RGL1: variants seen among roughly 807,000 people sequenced by gnomAD.
RGL1 encodes the protein ral guanine nucleotide dissociation stimulator-like 1.
In RGL1, 24 loss-of-function variants were observed where a neutral mutation model predicts 95.2. The observed-to-expected ratio is 0.25, with a 90% confidence interval of 0.18 to 0.35. The LOEUF is 0.35. RGL1 is among the 10% of genes least tolerant of loss of function. The pLI is 1.00. For missense variants in RGL1, 715 were observed against 936.3 expected (o/e 0.76, Z 3.08); for synonymous variants, 329 against 344.9 (o/e 0.95, Z 0.51).
chr1:183,752,181 A>G (rs1467378159), intron 2 of RGL1, among the ~76,000 whole-genome samples: 4 of 152,018 alleles, frequency 2.6e-5, no homozygotes, highest in Non-Finnish European at 5.9e-5. Context: ...AGTGCATAAG[A>G]GTTTCCCCTA....
At chr1:183,792,306 A>G (rs375133793) in intron 2 of RGL1, among the ~76,000 whole-genome samples, 1 of 152,080 alleles carries the variant, frequency 6.6e-6, no homozygotes, top group South Asian at 2.1e-4. Context: ...TGCCTCACTC[A>G]GCCTAGGTGA....
chr1:183,769,012 G>T (rs1659141242), intron 2 of RGL1, among the ~76,000 whole-genome samples: 1 of 152,136 alleles, frequency 6.6e-6, no homozygotes. Flanking sequence ...GACATCTAAT[G>T]AACATCAAAA....
chr1:183,669,945 A>G (rs972380496), intron 1 of RGL1, among the ~76,000 whole-genome samples: 19 of 152,204 alleles, frequency 1.2e-4, no homozygotes, highest in African/African-American at 4.1e-4. Flanking sequence ...AACCACCCCT[A>G]TGATTCAAGT....
At chr1:183,669,871 C>A (rs1028770644) in intron 1 of RGL1, among the ~76,000 whole-genome samples, 2 of 152,054 alleles carry the variant, frequency 1.3e-5, no homozygotes, top group Non-Finnish European at 2.9e-5. Context: ...GGGAAAAACC[C>A]CTTATAAAAT....
rs12066581 is a variant in RGL1, at chr1:183,677,723, G to A, written c.-33+41222G>A. On this transcript the variant is annotated intron_variant, in intron 1 of 18. Coordinates refer to the RGL1 transcript ENST00000304685. ...AACTGCACAGTATCCCTCAAATTAGGGGTGTTGTGAACATTTTACACATGT... is the reference window on the plus strand; with the variant it reads ...AACTGCACAGTATCCCTCAAATTAGAGGTGTTGTGAACATTTTACACATGT... Among the ~76,000 whole-genome samples, 284 of 152,242 alleles carry A rather than the reference G, an allele frequency of 1.9e-3. 6 individuals carry two copies. The East Asian group carries it at 0.043, about 23-fold the overall frequency.
Position 183,805,292 on chromosome 1 carries a change from C to T in RGL1, c.-6C>T, listed in dbSNP as rs774432194. On this transcript the variant is annotated 5_prime_UTR_variant, in exon 1 of 18. Transcript: ENST00000360851. ...CAGCGTTCGCGCACCGGAGAGAAAA[C>T]TGAGAATGAAATTGCTTTGGCAAGC... 1.9e-6 allele frequency: 3 copies of T among 1,611,888 alleles called. No individual in the cohort carries two copies. In the South Asian group the frequency reaches 3.3e-5, roughly 18 times the overall value.
chr1:183,662,792 C>T lies in RGL1; in HGVS notation c.-33+26291C>T, dbSNP rs1411200546. ...CAAAAGAACAAAGCTGGAGGCATCACGCTACCTGAGTTCAAACTATACTAC... is the reference window on the plus strand; with the variant it reads ...CAAAAGAACAAAGCTGGAGGCATCATGCTACCTGAGTTCAAACTATACTAC... On this transcript the variant is annotated intron_variant, in intron 1 of 18. Transcript: ENST00000304685. Among the ~76,000 whole-genome samples, 12 of 152,252 alleles carry T rather than the reference C, an allele frequency of 7.9e-5. No individual in the cohort carries two copies. The South Asian group carries it at 1.0e-3, about 13-fold the overall frequency.
chr1:183,731,635 A>G (rs1161088576), intron 1 of RGL1, among the ~76,000 whole-genome samples: 1 of 152,210 alleles, frequency 6.6e-6, no homozygotes, highest in African/African-American at 2.4e-5. Context: ...AGGCCATGAC[A>G]AAATGAAAAT....
chr1:183,670,682 ACT>A (rs1230033812), intron 1 of RGL1, among the ~76,000 whole-genome samples: 3 of 151,954 alleles, frequency 2.0e-5, no homozygotes, highest in African/African-American at 7.3e-5. Flanking sequence ...TTGTCCTATA[ACT>A]CTACTTTTCT....
intron 2 of RGL1, among the ~76,000 whole-genome samples, chr1:183,819,210 A>G (rs191728992): frequency 5.0e-4 from 76 of 152,318 alleles, no homozygotes; most frequent in South Asian, 1.2e-3. Context: ...TTTGCCCTAC[A>G]TAACACATTT....
intron 2 of RGL1, among the ~76,000 whole-genome samples, chr1:183,749,863 T>G (rs1423765470): frequency 6.6e-6 from 1 of 152,222 alleles, no homozygotes; most frequent in African/African-American, 2.4e-5. Flanking sequence ...AAAATTCTTT[T>G]CCTTAAAAAT....
chr1:183,691,558 AGTT>A (rs1202998055), intron 1 of RGL1, among the ~76,000 whole-genome samples: 3 of 152,220 alleles, frequency 2.0e-5, no homozygotes, highest in African/African-American at 7.2e-5. Context: ...GGAACAAAAA[AGTT>A]GTTAAGTTTA....
chr1:183,797,158 C>T (rs185282624), intron 2 of RGL1, among the ~76,000 whole-genome samples: 23 of 151,964 alleles, frequency 1.5e-4, no homozygotes, highest in Non-Finnish European at 2.8e-4. Context: ...GGCGAAACCC[C>T]GTCTCTATAA....
upstream of RGL1, chr1:183,805,011 A>G (rs1250881991): frequency 9.3e-6 from 3 of 321,498 alleles, no homozygotes; most frequent in Non-Finnish European, 1.7e-5. Context: ...CATGGGACTG[A>G]AGAAAGGGAG....
chr1:183,751,148 G>A (rs1227325512), intron 2 of RGL1, among the ~76,000 whole-genome samples: 12 of 152,214 alleles, frequency 7.9e-5, no homozygotes, highest in Non-Finnish European at 1.6e-4. Flanking sequence ...TAAGTCTGCC[G>A]AAGCTGCACC....
chr1:183,777,130 G>A (rs1659646272), intron 2 of RGL1, among the ~76,000 whole-genome samples: 2 of 152,238 alleles, frequency 1.3e-5, no homozygotes, highest in South Asian at 2.1e-4. Flanking sequence ...GATATTAGCA[G>A]TGGTTTGTTT....
At chr1:183,708,625 C>A (rs1655068823) in intron 1 of RGL1, among the ~76,000 whole-genome samples, 1 of 152,262 alleles carries the variant, frequency 6.6e-6, no homozygotes, top group Admixed American at 6.5e-5. Flanking sequence ...AGGCATCCCC[C>A]TAAGACCAGA....
chr1:183,907,173 A>G (rs1668383987), intron 14 of RGL1, 72 bp downstream of exon 14: 2 of 855,778 alleles, frequency 2.3e-6, no homozygotes, highest in Non-Finnish European at 3.9e-6. Flanking sequence ...TGTATTCAAC[A>G]GGATGACCTT....
intron 2 of RGL1, among the ~76,000 whole-genome samples, chr1:183,836,590 T>C (rs1558238048): frequency 6.6e-6 from 1 of 152,072 alleles, no homozygotes; most frequent in South Asian, 2.1e-4. Context: ...TTCAAAGAGG[T>C]ATACTCAGGA....
Sources: gnomAD v4.1 joint callset for allele counts (sites outside exome capture counted in the v4.1 genomes callset) on GRCh38, gnomAD v4.1.1 for gene constraint, MANE v1.5 for transcripts, NCBI Gene and HGNC (gene_info 2026-07-23, HGNC 2026-07-21) for gene names.